PLEKHG4B: variants seen among roughly 807,000 people sequenced by gnomAD.
PLEKHG4B encodes pleckstrin homology and RhoGEF domain containing G4B.
PLEKHG4B carries 111 observed loss-of-function variants against 121.3 expected under a neutral mutation model. The ratio of observed to expected loss-of-function variants is 0.92; its 90% confidence interval spans 0.78 to 1.07. The LOEUF (loss-of-function observed/expected upper bound fraction) is 1.07, where lower values mean the gene tolerates loss of function less well. Ranked by LOEUF, PLEKHG4B falls within the 50% of genes least tolerant of loss-of-function variation. PLEKHG4B has a pLI of 0.00. For missense variants in PLEKHG4B, 1,831 were observed against 1,757.8 expected, an observed-to-expected ratio of 1.04 and a Z score of -0.74; for synonymous variants, 738 against 725.0, an observed-to-expected ratio of 1.02 and a Z score of -0.29.
intron 6 of PLEKHG4B, among the ~76,000 whole-genome samples, chr5:150,877 G>A (rs1735583150): frequency 6.6e-6 from 1 of 152,172 alleles, no homozygotes; most frequent in African/African-American, 2.4e-5. Flanking sequence ...ATGAAAACTT[G>A]TGTTCACACA....
In PLEKHG4B at chr5:162,838, G is replaced by T. The variant is rs996473053; in HGVS notation, c.2766G>T (p.Gly922=). 3 of 1,510,366 alleles carry T rather than the reference G, an allele frequency of 2.0e-6. No homozygotes were observed. Among genetic ancestry groups the T allele is most frequent in the South Asian group, 1.3e-5 (1 of 75,350 alleles). 93.6% of individuals were successfully genotyped at this position (1,510,366 alleles called of 1,614,324 possible). Residue 922 remains glycine (G), a synonymous_variant, in exon 13 of 20, where the codon GGG becomes GGT. Coordinates refer to ENST00000637938, the MANE Select transcript of PLEKHG4B (RefSeq NM_052909.5). The stretch of plus-strand genomic sequence containing the variant: ...CGGTGGCTGCAGAGGCCTTCCCCGG[G>T]GCAGGTGTGGCAGTGCTGAAGCCTC... ...ATSVAAEAFP[G]AGVAVLKPHA...
rs34900477 is a variant in PLEKHG4B, at chr5:133,941, C to CACACACACACACACACATAT, written c.244-5541_244-5540insCACACACACACACACATATA. Among the ~76,000 whole-genome samples the CACACACACACACACACATAT allele has an allele frequency of 2.1e-4, 31 of 146,288 alleles. 1 individual carries two copies. The highest frequency in any genetic ancestry group is 6.1e-4 in the African/African-American group (24 of 39,090). On this transcript the variant is annotated intron_variant, in intron 2 of 19. Transcript: ENST00000637938. ...ACACACGCACACACACACACACACA[C>CACACACACACACACACATAT]ATATATATATGGTGGAATATATATA...
chr5:154,550 C>A (rs576543911), intron 7 of PLEKHG4B, among the ~76,000 whole-genome samples: 1 of 150,930 alleles, frequency 6.6e-6, no homozygotes, highest in East Asian at 2.0e-4. Context: ...TGGGTTTTAT[C>A]TGAGAAGGGC....
At chr5:138,918 T>G (rs1579275416) in intron 2 of PLEKHG4B, among the ~76,000 whole-genome samples, 2 of 152,352 alleles carry the variant, frequency 1.3e-5, no homozygotes, top group East Asian at 3.9e-4. Context: ...CAATTGTAAA[T>G]GGAGTGGGAT....
At chr5:110,201 A>G (rs1456895625) in intron 1 of PLEKHG4B, among the ~76,000 whole-genome samples, 2 of 145,352 alleles carry the variant, frequency 1.4e-5, no homozygotes, top group African/African-American at 5.2e-5. Flanking sequence ...GCACATGCAC[A>G]CATCCATACA....
Position 171,212 on chromosome 5 carries a change from A to T in PLEKHG4B, c.3820-2A>T. 1 of 1,604,094 alleles carries T rather than the reference A, an allele frequency of 6.2e-7. No individual in the cohort carries two copies. Among genetic ancestry groups the T allele is most frequent in the South Asian group, 1.1e-5 (1 of 90,498 alleles). On this transcript the variant is annotated splice_acceptor_variant, in intron 15 of 19. Coordinates refer to ENST00000637938, the MANE Select transcript of PLEKHG4B (RefSeq NM_052909.5). LOFTEE classifies it high-confidence loss of function. ...GCTGACCCTCTCACCCGGCCCTTGC[A>T]GGACAAGCAGCGGGAGCTAGGTGAC...
At chr5:133,384 T>G (rs1734833998) in intron 2 of PLEKHG4B, among the ~76,000 whole-genome samples, 1 of 152,064 alleles carries the variant, frequency 6.6e-6, no homozygotes, top group Non-Finnish European at 1.5e-5. Context: ...CCCTTTATTT[T>G]TTTCTCATCT....
Position 143,215 on chromosome 5 carries a change from T to C in PLEKHG4B, c.1646T>C (p.Val549Ala). ...CAGGTGCCCAAGCAGGTGCTGGACG[T>C]CAGTCAGGAGCTGCTGCAGTCCGGG... ...PSQVPKQVLDVSQELLQSGVV... is the reference protein window; with the variant it reads ...PSQVPKQVLDASQELLQSGVV... Residue 549 changes from valine (V) to alanine (A), a missense_variant, in exon 4 of 20, where the codon GTC (valine) becomes GCC (alanine). Val to Ala is a moderately conservative substitution (Grantham distance 64, BLOSUM62 0). Transcript: ENST00000637938. The C allele has an allele frequency of 6.2e-7, 1 of 1,611,170 alleles. No homozygotes were observed. The highest frequency in any genetic ancestry group is 8.5e-7 in the Non-Finnish European group (1 of 1,179,988).
rs1195866764 is a variant in PLEKHG4B at position 163,416 on chromosome 5, G to A, written c.3344G>A (p.Ser1115Asn). The change falls in exon 13 of 20, where the codon AGC (serine) becomes AAC (asparagine). Residue 1115 changes from serine (S) to asparagine (N), a missense_variant. Ser to Asn is a conservative substitution (Grantham distance 46). Coordinates refer to ENST00000637938, the MANE Select transcript of PLEKHG4B (RefSeq NM_052909.5). The part of the protein sequence containing the change: ...SVFSKGLEVT[S>N]TVATEKKLPL... ...TTCAGCAAGGGCCTGGAGGTAACCA[G>A]CACTGTAGCCACAGAGAAGAAGCTC... 2 of 1,612,898 alleles carry A rather than the reference G, an allele frequency of 1.2e-6. No individual in the cohort carries two copies. Among genetic ancestry groups the A allele is most frequent in the African/African-American group, 1.3e-5 (1 of 74,960 alleles).
chr5:169,940 G>C (rs1457400740), intron 14 of PLEKHG4B, among the ~76,000 whole-genome samples: 1 of 152,122 alleles, frequency 6.6e-6, no homozygotes, highest in African/African-American at 2.4e-5. Context: ...ACCTTCCGGG[G>C]AGAGGCCAGG....
intron 13 of PLEKHG4B, among the ~76,000 whole-genome samples, chr5:164,004 C>A (rs368534975): frequency 1.3e-5 from 2 of 152,260 alleles, no homozygotes; most frequent in African/African-American, 2.4e-5. Flanking sequence ...GCAAAGGACG[C>A]GTCCACTCAT....
intron 6 of PLEKHG4B, among the ~76,000 whole-genome samples, 168 bp downstream of exon 6, chr5:145,088 G>A (rs190661487): frequency 6.6e-6 from 1 of 152,364 alleles, no homozygotes; most frequent in Non-Finnish European, 1.5e-5. Context: ...TCTTCCCAGT[G>A]AGTCCAGCTC....
chr5:115,797 A>G (rs1443458012), intron 2 of PLEKHG4B, among the ~76,000 whole-genome samples: 1 of 152,220 alleles, frequency 6.6e-6, no homozygotes, highest in African/African-American at 2.4e-5. Context: ...CATAGAACTG[A>G]AGAAAGTTAG....
At position 175,573 on chromosome 5, in the gene PLEKHG4B, C is replaced by T. The variant is rs1484745271; in HGVS notation, c.4402+1475C>T. On this transcript the variant is annotated intron_variant, in intron 18 of 19. Transcript: ENST00000637938. ...AACCCAGGCACCCAAGCTACAGACA[C>T]GACCAGGGCTCCTGCACGGCTGCAC... is the stretch of plus-strand genomic sequence containing the variant. 4.0e-5 allele frequency among the ~76,000 whole-genome samples: 6 copies of T among 151,824 alleles called. 1 individual carries two copies. Among genetic ancestry groups the T allele is most frequent in the East Asian group, 1.9e-4 (1 of 5,182 alleles).
intron 2 of PLEKHG4B, among the ~76,000 whole-genome samples, chr5:133,030 A>C (rs1258933941): frequency 6.6e-6 from 1 of 152,080 alleles, no homozygotes; most frequent in South Asian, 2.1e-4. Context: ...TGAACATGGG[A>C]TGTGTTTCCA....
rs1292159443 is a variant in PLEKHG4B, at chr5:183,991, C to CGATCGATCGATCGATAGATA, written c.*1671_*1672insCGATCGATCGATAGATAGAT. 7 of 104,614 alleles carry CGATCGATCGATCGATAGATA rather than the reference C, an allele frequency of 6.7e-5. No individual in the cohort carries two copies. Among genetic ancestry groups the CGATCGATCGATCGATAGATA allele is most frequent in the African/African-American group, 1.5e-4 (5 of 34,128 alleles). The allele number at this position is 104,614 out of a possible 1,614,324, so 6.5% of individuals were successfully genotyped here. A position where few individuals can be genotyped will look rare whatever the true frequency, so the allele number is the denominator to read the frequency against. ...CAGACAGATAGATAGATAGATAGAT[C>CGATCGATCGATCGATAGATA]GATAGATAGATAGATAGATAGATAG... On this transcript the variant is annotated 3_prime_UTR_variant, in exon 20 of 20. Coordinates refer to ENST00000637938, the MANE Select transcript of PLEKHG4B (RefSeq NM_052909.5).
intron 8 of PLEKHG4B, 93 bp from the exon 9 acceptor site, chr5:155,252 C>G (rs9312845): frequency 1.6e-5 from 18 of 1,157,960 alleles, no homozygotes; most frequent in Admixed American, 1.2e-4. Flanking sequence ...AACCCGAGAT[C>G]GGTCTAAATG....
At chr5:115,369 G>A (rs908270814) in intron 2 of PLEKHG4B, among the ~76,000 whole-genome samples, 3 of 152,190 alleles carry the variant, frequency 2.0e-5, no homozygotes, top group African/African-American at 7.2e-5. Context: ...ATAGAGCAAG[G>A]CCAAGTAGAC....
In PLEKHG4B at chr5:187,649, G is replaced by A. The variant is rs1279009926; in HGVS notation, c.*5326G>A. On this transcript the variant is annotated 3_prime_UTR_variant, in exon 20 of 20. Transcript: ENST00000637938. ...GCTGACCCTAAAGTAGCCAAGGGGAGCTCACATCGCCTGGCCTGCCGCCAC... is the reference window on the plus strand; with the variant it reads ...GCTGACCCTAAAGTAGCCAAGGGGAACTCACATCGCCTGGCCTGCCGCCAC... The A allele has an allele frequency of 6.6e-6, 1 of 152,360 alleles. No homozygotes were observed. The highest frequency in any genetic ancestry group is 2.4e-5 in the African/African-American group (1 of 41,456). The allele number at this position is 152,360 out of a possible 1,614,324, so 9.4% of individuals were successfully genotyped here.
Sources: gnomAD v4.1 joint callset for allele counts (sites outside exome capture counted in the v4.1 genomes callset) on GRCh38, gnomAD v4.1.1 for gene constraint, MANE v1.5 for transcripts, NCBI Gene and HGNC (gene_info 2026-07-23, HGNC 2026-07-21) for gene names.